The following UPF2 variants were observed in gnomAD, a reference collection of about 807,000 sequenced individuals.
UPF2 encodes the protein regulator of nonsense transcripts 2.
In UPF2, 17 loss-of-function variants were observed where a neutral mutation model predicts 141.4. The observed-to-expected ratio is 0.12, with a 90% CI of 0.08 to 0.18. The LOEUF (loss-of-function observed/expected upper bound fraction) is 0.18, where lower values mean the gene tolerates loss of function less well. Ranked by LOEUF, UPF2 falls within the 10% of genes least tolerant of loss-of-function variation. The pLI is 1.00. For synonymous variants in UPF2, 540 were observed against 498.0 expected (o/e 1.08, Z -1.12); for missense variants, 1,152 against 1,515.9 (o/e 0.76, Z 3.99).
chr10:11,995,979 A>G (rs567918228), intron 8 of UPF2, among the ~76,000 whole-genome samples: 6 of 152,136 alleles, frequency 3.9e-5, no homozygotes, highest in East Asian at 3.9e-4. Context: ...CTCAGACTCA[A>G]TCAGTCAGTT....
In UPF2 at chr10:11,948,361, G is replaced by A; in HGVS notation, c.3174+8C>T. On this transcript the variant is annotated splice_region_variant and intron_variant, in intron 16 of 21. Coordinates refer to ENST00000357604, the MANE Select transcript of UPF2 (RefSeq NM_015542.4). The stretch of plus-strand genomic sequence containing the variant: ...GTACTCTATGTTGCTACATATAAAA[G>A]TCATCACCTCTTCTTCTGGCTCATT... 1.3e-6 allele frequency: 2 copies of A among 1,563,878 alleles called. No homozygotes were observed. Among genetic ancestry groups the A allele is most frequent in the East Asian group, 2.3e-5 (1 of 43,586 alleles).
Position 11,931,487 on chromosome 10 carries a change from T to C in UPF2, c.3688+154A>G, listed in dbSNP as rs1025286626. On this transcript the variant is annotated intron_variant, in intron 20 of 21. Coordinates refer to ENST00000357604, the MANE Select transcript of UPF2 (RefSeq NM_015542.4). This position sits in a 1 kb window ranked among gnomAD's most constrained non-coding sequence, Gnocchi z 5.9. ...TATGGTGAAAATTATATTATTGTTA[T>C]TTTACAAATAAGTGAAAGAAAAACA... Among the ~76,000 whole-genome samples the C allele has an allele frequency of 3.3e-5, 5 of 152,170 alleles. No homozygotes were observed. Among genetic ancestry groups the C allele is most frequent in the Non-Finnish European group, 4.4e-5 (3 of 68,028 alleles).
intron 9 of UPF2, among the ~76,000 whole-genome samples, chr10:11,973,482 T>C (rs1833454625): frequency 6.6e-6 from 1 of 152,252 alleles, no homozygotes; most frequent in Non-Finnish European, 1.5e-5. Context: ...TGAAAGGTAC[T>C]GTCTAGGTTT....
intron 9 of UPF2, among the ~76,000 whole-genome samples, chr10:11,971,199 CTT>C (rs1254791273): frequency 6.6e-6 from 1 of 151,792 alleles, no homozygotes; most frequent in Non-Finnish European, 1.5e-5. Context: ...AAGGTTGTAA[CTT>C]ATAAAAATGG....
chr10:11,921,265 A>G lies in UPF2; in HGVS notation c.*33T>C. 1.2e-6 allele frequency: 2 copies of G among 1,614,010 alleles called. No individual in the cohort carries two copies. Among genetic ancestry groups the G allele is most frequent in the East Asian group, 2.2e-5 (1 of 44,876 alleles). On this transcript the variant is annotated 3_prime_UTR_variant, in exon 22 of 22. Coordinates refer to ENST00000357604, the MANE Select transcript of UPF2 (RefSeq NM_015542.4). The surrounding 1 kb of genome is among the most constrained non-coding windows in gnomAD (Gnocchi z 5.9). ...GACTCCACTAACCACAACATCAGAT[A>G]CAGGACCTAATGAAATGACACGTGC...
In UPF2 at chr10:11,948,649, C is replaced by T. The variant is rs372310370; in HGVS notation, c.3035-141G>A. 1.0e-3 allele frequency: 993 copies of T among 980,918 alleles called. 18 individuals are homozygous for T. In the South Asian group the frequency reaches 0.017, roughly 16 times the overall value. The allele number at this position is 980,918 out of a possible 1,614,324, so 60.8% of individuals were successfully genotyped here. A position where few individuals can be genotyped will look rare whatever the true frequency, so the allele number is the denominator to read the frequency against. ...AGAACAAAGGTAAAAGAATTAAAAACTACGGTGAGAAACATTTAAAAAACT... is the reference window on the plus strand; with the variant it reads ...AGAACAAAGGTAAAAGAATTAAAAATTACGGTGAGAAACATTTAAAAAACT... On this transcript the variant is annotated intron_variant, in intron 15 of 21. Transcript: ENST00000357604.
rs557841025 is a variant in UPF2, at chr10:11,997,321, T to A, written c.1844+351A>T. Among the ~76,000 whole-genome samples, 3 of 152,262 alleles carry A rather than the reference T, an allele frequency of 2.0e-5. No homozygotes were observed. In the East Asian group the frequency reaches 5.8e-4, roughly 29 times the overall value. ...AACTAAATATATTACATTACCCTCA[T>A]CTTTGCACAAAATAAAAACTCTCCA... On this transcript the variant is annotated intron_variant, in intron 8 of 21. Transcript: ENST00000357604.
At chr10:12,005,015 G>A (rs73573550) in intron 4 of UPF2, among the ~76,000 whole-genome samples, 327 of 151,860 alleles carry the variant, frequency 2.2e-3, no homozygotes, top group African/African-American at 7.5e-3. Context: ...GATAAATTAG[G>A]TCTACTTTCA....
rs61678431 is a variant in UPF2, at chr10:12,024,931, CAAAAAAA to C, written c.1145+3807_1145+3813del. On this transcript the variant is annotated intron_variant, in intron 3 of 21. Transcript: ENST00000357604. ...CCCAGGTAAGAGGGAGACCCTGTTA[CAAAAAAA>C]AAAAAAAAAAAAAAAAAAACACAGC... 2.8e-4 allele frequency among the ~76,000 whole-genome samples: 15 copies of C among 53,488 alleles called. No homozygotes were observed. The South Asian group carries it at 3.0e-3, about 11-fold the overall frequency. 35.1% of individuals were successfully genotyped at this position (53,488 alleles called of 152,430 possible). A position where few individuals can be genotyped will look rare whatever the true frequency, so the allele number is the denominator to read the frequency against.
At chr10:11,943,193 T>C (rs779478152) in intron 16 of UPF2, 25 bp from the exon 17 acceptor site, 2 of 1,550,226 alleles carry the variant, frequency 1.3e-6, no homozygotes, top group East Asian at 4.5e-5. Flanking sequence ...CATTAGAAGA[T>C]TAAATAACTT....
At position 11,955,497 on chromosome 10, in the gene UPF2, G is replaced by C. The variant is rs1588535374; in HGVS notation, c.2585C>G (p.Pro862Arg). 6.2e-7 allele frequency: 1 copy of C among 1,610,386 alleles called. No homozygotes were observed. Among genetic ancestry groups the C allele is most frequent in the Non-Finnish European group, 8.5e-7 (1 of 1,178,284 alleles). ...DIRLGMEVNQPKFNQRRISSA... is the reference protein window; with the variant it reads ...DIRLGMEVNQRKFNQRRISSA... ...GCTGATGCGCCTCTGATTAAATTTA[G>C]GTTGATTAACCTAAAAGGCAACAAA... The change falls in exon 14 of 22, where the codon CCT becomes CGT. Residue 862 changes from proline (P) to arginine (R), a missense_variant. Transcript: ENST00000357604.
intron 21 of UPF2, among the ~76,000 whole-genome samples, chr10:11,922,735 A>G (rs1042666869): frequency 7.2e-5 from 11 of 152,234 alleles, no homozygotes; most frequent in South Asian, 2.1e-4. Context: ...ACTCTATTGT[A>G]TAACAAAACT....
At chr10:11,983,677 T>C (rs1833638479) in intron 8 of UPF2, among the ~76,000 whole-genome samples, 1 of 151,582 alleles carries the variant, frequency 6.6e-6, no homozygotes. Flanking sequence ...CGGCCTTGGA[T>C]TCTTATTTTT....
At chr10:12,025,710 C>T (rs969594993) in intron 3 of UPF2, among the ~76,000 whole-genome samples, 2 of 152,194 alleles carry the variant, frequency 1.3e-5, no homozygotes, top group African/African-American at 4.8e-5. Flanking sequence ...TTCTTAACCA[C>T]ATCCTTTTCA....
At chr10:12,041,928 C>A in intron 1 of UPF2, among the ~76,000 whole-genome samples, 1 of 152,294 alleles carries the variant, frequency 6.6e-6, no homozygotes, top group East Asian at 1.9e-4. Flanking sequence ...TCCGATCACC[C>A]CAGCGTGGAC....
At chr10:12,003,976 C>T (rs1833994317) in intron 5 of UPF2, among the ~76,000 whole-genome samples, 1 of 147,488 alleles carries the variant, frequency 6.8e-6, no homozygotes, top group South Asian at 2.1e-4. Context: ...AAATACAGGG[C>T]AACCAGGTAG....
chr10:11,944,617 G>GA (rs1229031218), intron 16 of UPF2, among the ~76,000 whole-genome samples: 1 of 151,896 alleles, frequency 6.6e-6, no homozygotes, highest in Non-Finnish European at 1.5e-5. Context: ...ATTTGCTCTT[G>GA]AAAAAATGAA....
In UPF2 at chr10:12,035,248, C is replaced by T. The variant is rs1834603327; in HGVS notation, c.176G>A (p.Arg59Lys). 6.2e-7 allele frequency: 1 copy of T among 1,613,574 alleles called. No homozygotes were observed. Among genetic ancestry groups the T allele is most frequent in the African/African-American group, 1.3e-5 (1 of 74,846 alleles). Residue 59 changes from arginine to lysine, a missense_variant, in exon 2 of 22, where the codon AGA becomes AAA. Physicochemically the swap from Arg to Lys is conservative, Grantham distance 26. Transcript: ENST00000357604. ...VSKAPEDKKK[R>K]LEDDKRKKED... is the part of the protein sequence containing the mutation. ...CTTTTTTCTCTTATCATCTTCCAGTCTCTTCTTCTTGTCTTCAGGGGCCTT... is the reference window on the plus strand; with the variant it reads ...CTTTTTTCTCTTATCATCTTCCAGTTTCTTCTTCTTGTCTTCAGGGGCCTT...
chr10:12,024,325 G>T (rs745801639), intron 3 of UPF2, among the ~76,000 whole-genome samples: 4 of 151,972 alleles, frequency 2.6e-5, no homozygotes, highest in Admixed American at 6.6e-5. Flanking sequence ...AGTTTGGGAT[G>T]GGGGGTGGGC....
Sources: gnomAD v4.1 joint callset for allele counts (sites outside exome capture counted in the v4.1 genomes callset) on GRCh38, gnomAD v4.1.1 for gene constraint, Gnocchi (gnomAD v3.1) non-coding constraint, MANE v1.5 for transcripts, NCBI Gene and HGNC (gene_info 2026-07-23, HGNC 2026-07-21) for gene names.